PECR: variants seen among roughly 807,000 people sequenced by gnomAD.
PECR encodes the protein peroxisomal trans-2-enoyl-CoA reductase.
Under a neutral mutation model 35.3 loss-of-function variants are expected in PECR, and 30 were observed. The ratio of observed to expected loss-of-function variants is 0.85; its 90% confidence interval spans 0.64 to 1.15. The LOEUF (loss-of-function observed/expected upper bound fraction) is 1.15, where lower values mean the gene tolerates loss of function less well. Ranked by LOEUF, PECR falls within the 50% of genes most tolerant of loss-of-function variation. The pLI is 0.00. For synonymous variants in PECR, 148 were observed against 138.9 expected, an observed-to-expected ratio of 1.07 and a Z score of -0.46; for missense variants, 392 against 370.8, an observed-to-expected ratio of 1.06 and a Z score of -0.47.
intron 7 of PECR, among the ~76,000 whole-genome samples, chr2:216,043,407 G>C (rs985701531): frequency 9.2e-5 from 14 of 151,948 alleles, no homozygotes; most frequent in African/African-American, 3.1e-4. Flanking sequence ...ACCATACCCG[G>C]CCAAATTTCT....
intron 4 of PECR, among the ~76,000 whole-genome samples, chr2:216,053,337 G>A (rs1020564126): frequency 6.6e-6 from 1 of 151,954 alleles, no homozygotes; most frequent in South Asian, 2.1e-4. Flanking sequence ...TCCACCTCCT[G>A]GGTTCACGCC....
At chr2:216,058,999 A>G (rs1216370569) in intron 3 of PECR, 23 bp from the exon 4 acceptor site, 8 of 1,487,330 alleles carry the variant, frequency 5.4e-6, no homozygotes, top group Middle Eastern at 1.7e-4. Flanking sequence ...GGCAAACTCA[A>G]TCATTAAATT....
intron 1 of PECR, among the ~76,000 whole-genome samples, chr2:216,081,119 G>T (rs1695834892): frequency 6.6e-6 from 1 of 152,004 alleles, no homozygotes; most frequent in African/African-American, 2.4e-5. Flanking sequence ...TCTCCTTTGT[G>T]GTTTATTCCC....
Position 216,049,207 on chromosome 2 carries a change from CA to C in PECR, c.714+55del, listed in dbSNP as rs1328958575. The C allele has an allele frequency of 3.4e-6, 3 of 893,752 alleles. No individual in the cohort carries two copies. The African/African-American group carries it at 4.9e-5, about 15-fold the overall frequency. The allele number at this position is 893,752 out of a possible 1,614,324, so 55.4% of individuals were successfully genotyped here. On this transcript the variant is annotated intron_variant, in intron 6 of 7. Coordinates refer to ENST00000265322, the MANE Select transcript of PECR (RefSeq NM_018441.6). Reference sequence around the variant, plus strand: ...ACCGCATAAAAATGACACTGAATTACAAATTCCAAAGTATAACACACAGCAA... The same window carrying C: ...ACCGCATAAAAATGACACTGAATTACAATTCCAAAGTATAACACACAGCAA...
chr2:216,059,769 C>T lies in PECR; in HGVS notation c.425-793G>A, dbSNP rs148609464. The stretch of plus-strand genomic sequence containing the variant: ...CCCTAATGACTATAATCATGTTGAT[C>T]TATATATCTAGCCTATGTCAGTACC... On this transcript the variant is annotated intron_variant, in intron 3 of 7. Coordinates refer to ENST00000265322, the MANE Select transcript of PECR (RefSeq NM_018441.6). Among the ~76,000 whole-genome samples, 877 of 152,272 alleles carry T rather than the reference C, an allele frequency of 5.8e-3. 5 individuals carry two copies. The highest frequency in any genetic ancestry group is 0.02 in the African/African-American group (831 of 41,538).
chr2:216,042,964 CACATACGTATATGTGTATATATATAT>C lies in PECR; in HGVS notation c.826+914_826+939del, dbSNP rs1559207664. 2.3e-4 allele frequency among the ~76,000 whole-genome samples: 22 copies of C among 94,004 alleles called. 1 individual carries two copies. Among genetic ancestry groups the C allele is most frequent in the African/African-American group, 4.1e-4 (10 of 24,320 alleles). 61.7% of individuals were successfully genotyped at this position (94,004 alleles called of 152,430 possible). A position where few individuals can be genotyped will look rare whatever the true frequency, so the allele number is the denominator to read the frequency against. On this transcript the variant is annotated intron_variant, in intron 7 of 7. Transcript: ENST00000265322. ...ATACGTATATGTGTATATATATATA[CACATACGTATATGTGTATATATATAT>C]ACATACGTATATGTGTATATATATA... is the stretch of plus-strand genomic sequence containing the variant.
Position 216,054,531 on chromosome 2 carries a change from T to G in PECR, c.507-2986A>C, listed in dbSNP as rs534486756. 2.0e-5 allele frequency among the ~76,000 whole-genome samples: 3 copies of G among 151,730 alleles called. 1 individual carries two copies. Among genetic ancestry groups the G allele is most frequent in the African/African-American group, 7.2e-5 (3 of 41,460 alleles). On this transcript the variant is annotated intron_variant, in intron 4 of 7. Coordinates refer to ENST00000265322, the MANE Select transcript of PECR (RefSeq NM_018441.6). ...TTGTATTTTTAGTAGAGATGGGGTT[T>G]CACCATGTTGCCCATGCTGGTCTCG...
intron 1 of PECR, 144 bp downstream of exon 1, chr2:216,081,474 T>C (rs1043261154): frequency 3.1e-6 from 3 of 957,228 alleles, no homozygotes; most frequent in Non-Finnish European, 5.1e-6. Flanking sequence ...GTCTCCCTGG[T>C]GGTCGTAATT....
intron 6 of PECR, among the ~76,000 whole-genome samples, chr2:216,044,354 C>T (rs1468054176): frequency 6.6e-6 from 1 of 152,202 alleles, no homozygotes; most frequent in Non-Finnish European, 1.5e-5. Context: ...AATTCACTTC[C>T]TTCCATGCCT....
At chr2:216,043,828 C>T (rs924071199) in intron 7 of PECR, 76 bp downstream of exon 7, 4 of 762,304 alleles carry the variant, frequency 5.2e-6, no homozygotes, top group Non-Finnish European at 9.5e-6. Flanking sequence ...TCTTAAGTAA[C>T]TACTTATAAT....
chr2:216,061,201 C>G (rs1313726311), intron 3 of PECR, among the ~76,000 whole-genome samples: 1 of 147,060 alleles, frequency 6.8e-6, no homozygotes, highest in Non-Finnish European at 1.5e-5. Context: ...ACCTGTACCT[C>G]CAGCTACTCA....
chr2:216,031,687 GAA>G (rs1491345210), intron 7 of PECR, among the ~76,000 whole-genome samples: 2,305 of 48,580 alleles, frequency 0.047, 28 homozygotes, highest in Admixed American at 0.074. Context: ...AAGAAAGAAA[GAA>G]AGAGAAAGAA....
intron 3 of PECR, among the ~76,000 whole-genome samples, chr2:216,063,353 C>T (rs1395479087): frequency 6.6e-6 from 1 of 152,178 alleles, no homozygotes; most frequent in Admixed American, 6.5e-5. Context: ...GGCACAGTGG[C>T]TCATGCCTGT....
intron 5 of PECR, among the ~76,000 whole-genome samples, 168 bp downstream of exon 5, chr2:216,051,281 C>CAAAAAAAAAAAAAAAAAAAAAAAAAAA (rs147574036): frequency 1.1e-5 from 1 of 93,168 alleles, no homozygotes; most frequent in Non-Finnish European, 2.0e-5. Flanking sequence ...GACTCCATCT[C>CAAAAAAAAAAAAAAAAAAAAAAAAAAA]AAAAAAAAAA....
intron 3 of PECR, 128 bp from the exon 4 acceptor site, chr2:216,059,104 G>A: frequency 1.4e-6 from 1 of 699,782 alleles, no homozygotes; most frequent in South Asian, 1.6e-5. Flanking sequence ...TAAAAAGCCT[G>A]ACTGAGGTAA....
At chr2:216,074,906 A>G (rs1339856951) in intron 1 of PECR, among the ~76,000 whole-genome samples, 1 of 152,232 alleles carries the variant, frequency 6.6e-6, no homozygotes, top group Non-Finnish European at 1.5e-5. Context: ...AAATGGTTAA[A>G]TAAGTTATTA....
In PECR at chr2:216,077,141, G is replaced by A. The variant is rs140846121; in HGVS notation, c.124+4477C>T. Reference sequence around the variant, plus strand: ...CTCGAACTCCCAACCTCAGGTGGCCGCCCACCTCGGCCTCCCAAAGTGCTG... The same window carrying A: ...CTCGAACTCCCAACCTCAGGTGGCCACCCACCTCGGCCTCCCAAAGTGCTG... On this transcript the variant is annotated intron_variant, in intron 1 of 7. Transcript: ENST00000265322. 2.0e-5 allele frequency among the ~76,000 whole-genome samples: 3 copies of A among 151,970 alleles called. 1 individual carries two copies. The highest frequency in any genetic ancestry group is 4.2e-4 in the South Asian group (2 of 4,818).
intron 3 of PECR, among the ~76,000 whole-genome samples, chr2:216,059,426 G>A (rs1409105945): frequency 6.6e-6 from 1 of 152,188 alleles, no homozygotes; most frequent in Non-Finnish European, 1.5e-5. Flanking sequence ...TGTGTTAATA[G>A]TTCCTTTTTG....
At chr2:216,074,963 A>G (rs980037113) in intron 1 of PECR, among the ~76,000 whole-genome samples, 1 of 152,240 alleles carries the variant, frequency 6.6e-6, no homozygotes, top group South Asian at 2.1e-4. Context: ...TGAATGAGAT[A>G]TGACTACAAT....
Sources: allele counts gnomAD v4.1 joint callset (sites outside exome capture counted in the v4.1 genomes callset), GRCh38; gene constraint gnomAD v4.1.1; transcripts MANE v1.5; gene names NCBI Gene and HGNC (gene_info 2026-07-23, HGNC 2026-07-21).